Variants in GPC6 observed in about 807,000 individuals in gnomAD.
GPC6 encodes the protein glypican-6.
GPC6 carries 14 observed loss-of-function variants against 55.2 expected under a neutral mutation model. The ratio of observed to expected loss-of-function variants is 0.25; its 90% confidence interval spans 0.17 to 0.40. GPC6 has a LOEUF of 0.40. Ranked by LOEUF, GPC6 falls within the 10% of genes least tolerant of loss-of-function variation. The pLI is 1.00. For synonymous variants in GPC6, 278 were observed against 259.6 expected (o/e 1.07, Z -0.68); for missense variants, 641 against 708.5 (o/e 0.90, Z 1.08).
intron 1 of GPC6, among the ~76,000 whole-genome samples, chr13:93,427,600 A>T (rs930152191): frequency 6.6e-6 from 1 of 152,194 alleles, no homozygotes; most frequent in Admixed American, 6.5e-5. Flanking sequence ...TTCACTTGCT[A>T]TCAATAAATT....
intron 3 of GPC6, among the ~76,000 whole-genome samples, chr13:93,930,827 A>T (rs1878128558): frequency 6.6e-6 from 1 of 152,148 alleles, no homozygotes; most frequent in South Asian, 2.1e-4. Context: ...TTTATAAAGA[A>T]AAGTGGTTTA....
intron 1 of GPC6, among the ~76,000 whole-genome samples, chr13:93,231,502 A>T (rs1361756809): frequency 2.7e-5 from 4 of 149,024 alleles, no homozygotes; most frequent in Admixed American, 1.3e-4. Context: ...CATGCTAAAT[A>T]CGTTTCTATT....
intron 4 of GPC6, among the ~76,000 whole-genome samples, chr13:94,068,032 G>A (rs551096605): frequency 5.3e-5 from 8 of 152,246 alleles, no homozygotes; most frequent in African/African-American, 1.9e-4. Context: ...TAAATAAGGT[G>A]CTGTTATTTT....
At chr13:94,033,796 A>T (rs1017767747) in intron 4 of GPC6, among the ~76,000 whole-genome samples, 1 of 152,192 alleles carries the variant, frequency 6.6e-6, no homozygotes, top group African/African-American at 2.4e-5. Context: ...TAAACCAAAG[A>T]AAAAGAAAAA....
chr13:93,477,529 T>A (rs1382222562), intron 1 of GPC6, among the ~76,000 whole-genome samples: 1 of 152,174 alleles, frequency 6.6e-6, no homozygotes, highest in Non-Finnish European at 1.5e-5. Context: ...ACTGGATTAG[T>A]AAGATCTTGC....
intron 1 of GPC6, among the ~76,000 whole-genome samples, chr13:93,282,664 A>C (rs1230173315): frequency 6.6e-6 from 1 of 152,166 alleles, no homozygotes; most frequent in Non-Finnish European, 1.5e-5. Context: ...CAGTTTAAAT[A>C]ATCAAATATT....
intron 1 of GPC6, among the ~76,000 whole-genome samples, chr13:93,528,017 T>C (rs1881721274): frequency 1.3e-5 from 2 of 152,176 alleles, no homozygotes; most frequent in South Asian, 4.1e-4. Context: ...TGCACTATTT[T>C]ATAGGGAAGA....
At chr13:93,362,437 G>T (rs1448389157) in intron 1 of GPC6, among the ~76,000 whole-genome samples, 2 of 152,130 alleles carry the variant, frequency 1.3e-5, no homozygotes, top group Non-Finnish European at 1.5e-5. Context: ...CCCATCCAAG[G>T]TGAGAATGTA....
chr13:93,770,916 A>G (rs1885268815), intron 2 of GPC6, among the ~76,000 whole-genome samples: 1 of 151,926 alleles, frequency 6.6e-6, no homozygotes, highest in African/African-American at 2.4e-5. Context: ...ATGGTTCTCA[A>G]TTTGTTGACT....
intron 1 of GPC6, among the ~76,000 whole-genome samples, chr13:93,233,802 G>C (rs545490450): frequency 6.0e-4 from 92 of 152,242 alleles, no homozygotes; most frequent in African/African-American, 2.1e-3. Flanking sequence ...AGTGGGGAGA[G>C]GGGTGTGGGA....
At chr13:94,032,091 G>C (rs1883162298) in intron 4 of GPC6, among the ~76,000 whole-genome samples, 1 of 152,180 alleles carries the variant, frequency 6.6e-6, no homozygotes, top group Admixed American at 6.5e-5. Context: ...ATCCCTAAGT[G>C]TTAGAGAATG....
chr13:94,120,424 C>T, intron 4 of GPC6, among the ~76,000 whole-genome samples: 1 of 152,010 alleles, frequency 6.6e-6, no homozygotes, highest in South Asian at 2.1e-4. Context: ...ACCTTAATTC[C>T]TCTATTCTTA....
chr13:93,521,423 C>T (rs928615574), intron 1 of GPC6, among the ~76,000 whole-genome samples: 1 of 151,944 alleles, frequency 6.6e-6, no homozygotes, highest in African/African-American at 2.4e-5. Flanking sequence ...GTGACAGCCA[C>T]TGGGATTTCC....
chr13:94,202,496 A>G (rs1172135145), intron 4 of GPC6, among the ~76,000 whole-genome samples: 2 of 152,182 alleles, frequency 1.3e-5, no homozygotes, highest in East Asian at 1.9e-4. Flanking sequence ...TTATAAAACC[A>G]TCAGATCTCG....
At chr13:93,527,784 T>C (rs1445245) in intron 1 of GPC6, among the ~76,000 whole-genome samples, 43,620 of 151,926 alleles carry the variant, frequency 0.29, 6,408 homozygotes, top group South Asian at 0.33. Context: ...CTTAAATGAT[T>C]AGTGGGAATT....
chr13:93,340,936 C>A (rs1294678082), intron 1 of GPC6, among the ~76,000 whole-genome samples: 1 of 152,094 alleles, frequency 6.6e-6, no homozygotes, highest in Non-Finnish European at 1.5e-5. Context: ...CTCTCAACCC[C>A]CTTCCAAATT....
intron 1 of GPC6, among the ~76,000 whole-genome samples, chr13:93,458,444 A>G (rs574898901): frequency 2.0e-5 from 3 of 152,104 alleles, no homozygotes; most frequent in African/African-American, 7.2e-5. Context: ...CTACCCCCCC[A>G]TATAAGTTCC....
At chr13:93,232,597 A>C (rs1414728851) in intron 1 of GPC6, among the ~76,000 whole-genome samples, 2 of 152,200 alleles carry the variant, frequency 1.3e-5, no homozygotes, top group Non-Finnish European at 2.9e-5. Flanking sequence ...ACTGCATTGT[A>C]TCTTAATAAT....
intron 1 of GPC6, among the ~76,000 whole-genome samples, chr13:93,420,895 A>G (rs1026012985): frequency 6.6e-6 from 1 of 152,206 alleles, no homozygotes; most frequent in South Asian, 2.1e-4. Flanking sequence ...CAATACAGGT[A>G]ATTCAATGGA....
Sources: gnomAD v4.1 joint callset for allele counts (sites outside exome capture counted in the v4.1 genomes callset) on GRCh38, gnomAD v4.1.1 for gene constraint, MANE v1.5 for transcripts, NCBI Gene and HGNC (gene_info 2026-07-23, HGNC 2026-07-21) for gene names.